CDC23: variants seen among roughly 807,000 people sequenced by gnomAD.
CDC23 encodes cell division cycle protein 23 homolog.
Under a neutral mutation model 81.7 loss-of-function variants are expected in CDC23, and 26 were observed. The observed-to-expected ratio is 0.32, with a 90% CI of 0.23 to 0.44. CDC23 has a LOEUF of 0.44. CDC23 is among the 20% of genes least tolerant of loss of function. CDC23 has a pLI of 1.00. For missense variants in CDC23, 519 were observed against 728.0 expected (o/e 0.71, Z 3.30); for synonymous variants, 267 against 270.8 (o/e 0.99, Z 0.14).
chr5:138,192,845 C>A (rs191879721), intron 9 of CDC23, among the ~76,000 whole-genome samples, 188 bp from the exon 10 acceptor site: 1 of 151,830 alleles, frequency 6.6e-6, no homozygotes, highest in African/African-American at 2.4e-5. Context: ...TCACACATTC[C>A]GGTTAAAAAA....
intron 9 of CDC23, among the ~76,000 whole-genome samples, chr5:138,195,690 A>T (rs1359884067): frequency 1.7e-4 from 14 of 84,724 alleles, no homozygotes; most frequent in Admixed American, 1.4e-3. Context: ...ATATACATAT[A>T]ATATATATGC....
chr5:138,198,849 A>C lies in CDC23; in HGVS notation c.655-67T>G, dbSNP rs534816069. On this transcript the variant is annotated intron_variant, in intron 6 of 15. Coordinates refer to ENST00000394886, the MANE Select transcript of CDC23 (RefSeq NM_004661.4). The stretch of plus-strand genomic sequence containing the variant: ...CCTCTCTCTCAAACAAACATCCAGG[A>C]ACTATCTTTATTATCTAAAGGAATT... 9 of 1,483,974 alleles carry C rather than the reference A, an allele frequency of 6.1e-6. No individual in the cohort carries two copies. In the African/African-American group the frequency reaches 7.0e-5, roughly 12 times the overall value. The allele number at this position is 1,483,974 out of a possible 1,614,324, so 91.9% of individuals were successfully genotyped here.
In CDC23 at chr5:138,213,066, G is replaced by A. The variant is rs374440952; in HGVS notation, c.162-3C>T. The A allele has an allele frequency of 1.5e-5, 25 of 1,613,876 alleles. No homozygotes were observed. Among genetic ancestry groups the A allele is most frequent in the Non-Finnish European group, 2.0e-5 (24 of 1,180,000 alleles). On this transcript the variant is annotated splice_region_variant and splice_polypyrimidine_tract_variant and intron_variant, in intron 1 of 15. Transcript: ENST00000394886. ...GAGAGAAAGCCAACTCCGCCGACCT[G>A]GAACACCCACACAAACTAGATCAGC...
rs531670207 is a variant in CDC23 at position 138,188,800 on chromosome 5, C to T, written c.*178G>A. On this transcript the variant is annotated 3_prime_UTR_variant, in exon 16 of 16. Transcript: ENST00000394886. The stretch of plus-strand genomic sequence containing the variant: ...CTAACTGGCAAGATAATGTCTGTTC[C>T]TGCCAGGATTCTGTCAGTTGGCCTC... The T allele has an allele frequency of 3.9e-6, 2 of 511,384 alleles. No homozygotes were observed. Among genetic ancestry groups the T allele is most frequent in the South Asian group, 3.5e-5 (1 of 28,328 alleles). The allele number at this position is 511,384 out of a possible 1,614,324, so 31.7% of individuals were successfully genotyped here.
intron 9 of CDC23, among the ~76,000 whole-genome samples, chr5:138,195,738 A>ATT (rs1215761335): frequency 8.6e-6 from 1 of 116,894 alleles, no homozygotes; most frequent in South Asian, 2.3e-4. Context: ...ATATACATAT[A>ATT]ATATATATGT....
At position 138,198,472 on chromosome 5, in the gene CDC23, T is replaced by A; in HGVS notation, c.884A>T (p.Tyr295Phe). 2 of 1,614,168 alleles carry A rather than the reference T, an allele frequency of 1.2e-6. No homozygotes were observed. Among genetic ancestry groups the A allele is most frequent in the Non-Finnish European group, 1.7e-6 (2 of 1,180,016 alleles). ...IFNELRKQDP[Y>F]RIENMDTFSN... Reference sequence around the variant, plus strand: ...GAATGTGTCCATATTTTCAATCCTGTAAGGGTCTTGTTTCCTTAGCTCATT... The same window carrying A: ...GAATGTGTCCATATTTTCAATCCTGAAAGGGTCTTGTTTCCTTAGCTCATT... Residue 295 changes from tyrosine to phenylalanine, a missense_variant, in exon 8 of 16, where the codon TAC becomes TTC. By Grantham distance (22) the Tyr-to-Phe change is conservative. Around this residue, in one of 4 missense-constraint regions of CDC23, gnomAD observed 180 missense variants for 239.3 expected, o/e 0.75. Transcript: ENST00000394886.
chr5:138,202,283 AT>A, intron 3 of CDC23, 128 bp from the exon 4 acceptor site: 1 of 626,462 alleles, frequency 1.6e-6, no homozygotes, highest in South Asian at 2.1e-5. Context: ...GTCATTATTT[AT>A]TTATTTATTT....
At chr5:138,200,122 T>TTTTGTTTG (rs544095600) in intron 6 of CDC23, among the ~76,000 whole-genome samples, 1 of 152,022 alleles carries the variant, frequency 6.6e-6, no homozygotes, top group Non-Finnish European at 1.5e-5. Flanking sequence ...CTGAACAATT[T>TTTTGTTTG]TTTGTTTGTT....
At position 138,192,494 on chromosome 5, in the gene CDC23, A is replaced by C. The variant is rs773185981; in HGVS notation, c.1166+10T>G. On this transcript the variant is annotated intron_variant, in intron 10 of 15. Coordinates refer to ENST00000394886, the MANE Select transcript of CDC23 (RefSeq NM_004661.4). ...CAATCTGCTCTACCTCACCACCTAT[A>C]GATAATCACCTATAAGCCTGGATAG... 2 of 1,613,824 alleles carry C rather than the reference A, an allele frequency of 1.2e-6. No individual in the cohort carries two copies. The highest frequency in any genetic ancestry group is 1.7e-6 in the Non-Finnish European group (2 of 1,179,866).
intron 9 of CDC23, among the ~76,000 whole-genome samples, chr5:138,197,049 C>T (rs1291317989): frequency 6.7e-6 from 1 of 150,280 alleles, no homozygotes; most frequent in African/African-American, 2.5e-5. Context: ...TGCCTGGCTT[C>T]CTTTGATTTT....
intron 9 of CDC23, 85 bp from the exon 10 acceptor site, chr5:138,192,742 G>A (rs1754840415): frequency 1.6e-6 from 2 of 1,234,500 alleles, no homozygotes; most frequent in East Asian, 2.4e-5. Context: ...CACCAAATGG[G>A]CGTGAAACCA....
chr5:138,204,428 C>T (rs982221714), intron 3 of CDC23, among the ~76,000 whole-genome samples: 11 of 151,232 alleles, frequency 7.3e-5, no homozygotes, highest in Admixed American at 6.6e-5. Flanking sequence ...AGGCTTGAAC[C>T]CGGGAGGCAG....
intron 9 of CDC23, among the ~76,000 whole-genome samples, chr5:138,195,628 AAT>A (rs1232562552): frequency 3.4e-5 from 4 of 117,496 alleles, no homozygotes; most frequent in African/African-American, 6.6e-5. Context: ...TATAAATATA[AAT>A]ATATATACAT....
At chr5:138,198,881 T>C (rs1581486711) in intron 6 of CDC23, 99 bp from the exon 7 acceptor site, 1 of 1,234,102 alleles carries the variant, frequency 8.1e-7, no homozygotes, top group East Asian at 2.4e-5. Flanking sequence ...AATTTATCAC[T>C]AAAATTTTAT....
intron 6 of CDC23, 26 bp from the exon 7 acceptor site, chr5:138,198,808 A>G: frequency 1.9e-6 from 3 of 1,598,196 alleles, no homozygotes; most frequent in Non-Finnish European, 2.6e-6. Context: ...AGAGGGACAC[A>G]CTTAATATAA....
intron 2 of CDC23, among the ~76,000 whole-genome samples, chr5:138,209,373 A>C (rs916964237): frequency 2.6e-5 from 4 of 151,556 alleles, no homozygotes; most frequent in Non-Finnish European, 5.9e-5. Flanking sequence ...GGTTGCAGTA[A>C]GTGGAGATCA....
intron 2 of CDC23, 80 bp from the exon 3 acceptor site, chr5:138,206,764 T>C: frequency 7.4e-7 from 1 of 1,357,570 alleles, no homozygotes; most frequent in East Asian, 2.4e-5. Context: ...TTCGTTAATT[T>C]CAAGATGTAA....
intron 2 of CDC23, among the ~76,000 whole-genome samples, 194 bp from the exon 3 acceptor site, chr5:138,206,878 C>CTTT (rs905919467): frequency 1.8e-4 from 24 of 131,038 alleles, no homozygotes; most frequent in African/African-American, 3.4e-4. Context: ...CCATAGAACT[C>CTTT]TTTTTTTTTT....
At position 138,193,129 on chromosome 5, in the gene CDC23, A is replaced by G. The variant is rs904264380; in HGVS notation, c.1013-472T>C. Among the ~76,000 whole-genome samples, 7 of 152,046 alleles carry G rather than the reference A, an allele frequency of 4.6e-5. No individual in the cohort carries two copies. In the East Asian group the frequency reaches 9.6e-4, roughly 21 times the overall value. On this transcript the variant is annotated intron_variant, in intron 9 of 15. Coordinates refer to ENST00000394886, the MANE Select transcript of CDC23 (RefSeq NM_004661.4). ...ATTTTTTTGTGGAGACAGTCTCCCT[A>G]TGTTGCCAGGGTGGTCACAAACTCC...
Sources: gnomAD v4.1 joint callset for allele counts (sites outside exome capture counted in the v4.1 genomes callset) on GRCh38, gnomAD v4.1.1 for gene constraint, gnomAD v4.1.1 regional missense constraint, MANE v1.5 for transcripts, NCBI Gene and HGNC (gene_info 2026-07-23, HGNC 2026-07-21) for gene names.